Variants in GMPPA observed in about 807,000 individuals in gnomAD.
The protein encoded by GMPPA is mannose-1-phosphate guanylyltransferase regulatory subunit alpha.
Under a neutral mutation model 58.6 loss-of-function variants are expected in GMPPA, and 46 were observed. The observed-to-expected ratio is 0.78, with a 90% CI of 0.62 to 1.00. GMPPA has a LOEUF of 1.00. Among genes scored for constraint, GMPPA ranks in the 50% least tolerant of loss-of-function variants. The pLI is 0.00. For missense variants in GMPPA, 468 were observed against 556.4 expected (o/e 0.84, Z 1.60); for synonymous variants, 211 against 214.9 (o/e 0.98, Z 0.16).
rs193268245 is a variant in GMPPA, at chr2:219,506,105, C to G, written c.993+33C>G. 1.2e-4 allele frequency: 183 copies of G among 1,499,670 alleles called. 1 individual carries two copies. The East Asian group carries it at 4.2e-3, about 34-fold the overall frequency. The allele number at this position is 1,499,670 out of a possible 1,614,324, so 92.9% of individuals were successfully genotyped here. ...CCAGCATACACAGCAGCATGTGACA[C>G]CCCAAGAGGCTGCGGGGAGGGCCCA... is the stretch of plus-strand genomic sequence containing the variant. On this transcript the variant is annotated intron_variant, in intron 11 of 12. Transcript: ENST00000313597.
chr2:219,505,277 C>G lies in GMPPA; in HGVS notation c.670C>G (p.Gln224Glu), dbSNP rs781760772. 2.5e-6 allele frequency: 4 copies of G among 1,613,752 alleles called. No individual in the cohort carries two copies. The Admixed American group carries it at 6.7e-5, about 27-fold the overall frequency. ...WPGAGTIRLEQDVFSALAGQG... is the reference protein window; with the variant it reads ...WPGAGTIRLEEDVFSALAGQG... Reference sequence around the variant, plus strand: ...AGGGGCAGGTACCATCCGCCTAGAGCAGGATGTGTTTTCAGCCCTGGCAGG... The same window carrying G: ...AGGGGCAGGTACCATCCGCCTAGAGGAGGATGTGTTTTCAGCCCTGGCAGG... The change falls in exon 8 of 13, where the codon CAG (glutamine) becomes GAG (glutamate). Residue 224 changes from glutamine (Q) to glutamate (E), a missense_variant. Coordinates refer to ENST00000313597, the MANE Select transcript of GMPPA (RefSeq NM_013335.4).
At position 219,506,988 on chromosome 2, in the gene GMPPA, G is replaced by A. The variant is rs1575229144; in HGVS notation, c.*190G>A. The A allele has an allele frequency of 1.7e-6, 1 of 599,342 alleles. No homozygotes were observed. Among genetic ancestry groups the A allele is most frequent in the South Asian group, 2.0e-5 (1 of 50,776 alleles). 37.1% of individuals were successfully genotyped at this position (599,342 alleles called of 1,614,324 possible). A position where few individuals can be genotyped will look rare whatever the true frequency, so the allele number is the denominator to read the frequency against. On this transcript the variant is annotated 3_prime_UTR_variant, in exon 13 of 13. Transcript: ENST00000313597. ...TCCCTAATAAACCCCGTGAACCTTGGAGCCAGCACAGACTGTACTTATGTC... is the reference window on the plus strand; with the variant it reads ...TCCCTAATAAACCCCGTGAACCTTGAAGCCAGCACAGACTGTACTTATGTC...
chr2:219,499,480 A>G (rs1043372901), intron 1 of GMPPA, among the ~76,000 whole-genome samples: 6 of 152,170 alleles, frequency 3.9e-5, no homozygotes, highest in Admixed American at 6.5e-5. Context: ...TTGAGGCTTC[A>G]GTATTTTGAG....
chr2:219,504,890 T>G (rs1694521503), intron 7 of GMPPA: 1 of 1,137,972 alleles, frequency 8.8e-7, no homozygotes, highest in Non-Finnish European at 1.1e-6. Context: ...TGTGTTTCAT[T>G]CCATCCAATG....
In GMPPA at chr2:219,502,383, C is replaced by G. The variant is rs1263110738; in HGVS notation, c.431C>G (p.Ala144Gly). ...RHPFLLLGTT[A>G]NRTQSLNYGC... The stretch of plus-strand genomic sequence containing the variant: ...GTCTCGGGTGTGTCTGTCTTTCAGG[C>G]TAACAGGACGCAATCCCTCAACTAC... The change falls in exon 6 of 13, where the codon GCT (alanine) becomes GGT (glycine). Residue 144 changes from alanine (A) to glycine (G), a missense_variant and splice_region_variant. Coordinates refer to ENST00000313597, the MANE Select transcript of GMPPA (RefSeq NM_013335.4). This position sits in a 1 kb window ranked among gnomAD's most constrained non-coding sequence, Gnocchi z 4.0. 6.2e-7 allele frequency: 1 copy of G among 1,613,776 alleles called. No homozygotes were observed. The highest frequency in any genetic ancestry group is 8.5e-7 in the Non-Finnish European group (1 of 1,179,730).
At chr2:219,504,921 G>T (rs1166835274) in intron 7 of GMPPA, 2 of 1,104,544 alleles carry the variant, frequency 1.8e-6, no homozygotes, top group Admixed American at 3.9e-5. Flanking sequence ...TAACTTGGAG[G>T]GGGTAAAGGG....
At chr2:219,505,847 G>A (rs1029572750) in intron 10 of GMPPA, 86 bp downstream of exon 10, 3 of 1,212,052 alleles carry the variant, frequency 2.5e-6, no homozygotes, top group African/African-American at 1.5e-5. Flanking sequence ...CTGGGTGCCG[G>A]TTTCTTCACT....
At chr2:219,505,920 G>A in intron 10 of GMPPA, 60 bp from the exon 11 acceptor site, 1 of 1,256,632 alleles carries the variant, frequency 8.0e-7, no homozygotes, top group Non-Finnish European at 1.1e-6. Context: ...CTAGAAGGGA[G>A]TTGGGTTTGG....
chr2:219,499,686 G>GCACTATAGTC, intron 1 of GMPPA: 1 of 529,484 alleles, frequency 1.9e-6, no homozygotes, highest in South Asian at 2.2e-5. Context: ...TTCTGTCCAG[G>GCACTATAGTC]CAGGGACTAT....
In GMPPA at chr2:219,506,729, C is replaced by G. The variant is rs1467912640; in HGVS notation, c.1194C>G (p.Leu398=). Reference sequence around the variant, plus strand: ...GAGTCCGGATCCCTGCCGAGGTGCTCATCCTGAACTCGATTGTTCTGCCAC... The same window carrying G: ...GAGTCCGGATCCCTGCCGAGGTGCTGATCCTGAACTCGATTGTTCTGCCAC... The part of the protein sequence containing the change: ...GCRVRIPAEV[L]ILNSIVLPHK... The change falls in exon 13 of 13, where the codon CTC becomes CTG. Residue 398 remains leucine (L), a synonymous_variant. Transcript: ENST00000313597. 6.2e-7 allele frequency: 1 copy of G among 1,606,512 alleles called. No individual in the cohort carries two copies. Among genetic ancestry groups the G allele is most frequent in the Non-Finnish European group, 8.5e-7 (1 of 1,173,342 alleles).
intron 4 of GMPPA, 31 bp downstream of exon 4, chr2:219,501,610 G>A (rs753841441): frequency 3.7e-6 from 5 of 1,353,984 alleles, no homozygotes; most frequent in African/African-American, 2.9e-5. Context: ...ATATGGGGGG[G>A]TGGGGATGCC....
rs1161154184 is a variant in GMPPA at position 219,506,927 on chromosome 2, A to G, written c.*129A>G. The G allele has an allele frequency of 3.1e-6, 2 of 645,846 alleles. No individual in the cohort carries two copies. Among genetic ancestry groups the G allele is most frequent in the East Asian group, 2.7e-5 (1 of 36,762 alleles). The allele number at this position is 645,846 out of a possible 1,614,324, so 40.0% of individuals were successfully genotyped here. ...CGTCACATGCCGGGGAGCAATGTGG[A>G]TGGCCTGGGGACTCCTGGGTTTTCT... is the stretch of plus-strand genomic sequence containing the variant. On this transcript the variant is annotated 3_prime_UTR_variant, in exon 13 of 13. Coordinates refer to ENST00000313597, the MANE Select transcript of GMPPA (RefSeq NM_013335.4).
At chr2:219,499,471 T>C (rs1369684671) in intron 1 of GMPPA, among the ~76,000 whole-genome samples, 2 of 152,188 alleles carry the variant, frequency 1.3e-5, no homozygotes, top group Non-Finnish European at 2.9e-5. Context: ...TTTGGGAATT[T>C]GAGGCTTCAG....
intron 1 of GMPPA, 73 bp from the exon 2 acceptor site, chr2:219,499,883 G>A: frequency 9.1e-7 from 1 of 1,096,458 alleles, no homozygotes; most frequent in Non-Finnish European, 1.4e-6. Context: ...AGAGGGCTAA[G>A]TGTTGCTATT....
chr2:219,501,971 C>T lies in GMPPA; in HGVS notation c.363C>T (p.Phe121=), dbSNP rs529574707. The change falls in exon 5 of 13, where the codon TTC becomes TTT. Residue 121 remains phenylalanine (F), a synonymous_variant. Coordinates refer to ENST00000313597, the MANE Select transcript of GMPPA (RefSeq NM_013335.4). Reference sequence around the variant, plus strand: ...TCAATGCTGATGTCTGCTCCGACTTCCCCTTGAGTGCTATGTTGGAAGCCC... The same window carrying T: ...TCAATGCTGATGTCTGCTCCGACTTTCCCTTGAGTGCTATGTTGGAAGCCC... ...FVLNADVCSD[F]PLSAMLEAHR... The T allele has an allele frequency of 1.2e-6, 2 of 1,614,224 alleles. No homozygotes were observed. Among genetic ancestry groups the T allele is most frequent in the Non-Finnish European group, 1.7e-6 (2 of 1,180,036 alleles).
intron 7 of GMPPA, 111 bp from the exon 8 acceptor site, chr2:219,505,117 G>T: frequency 1.6e-6 from 2 of 1,236,230 alleles, no homozygotes; most frequent in Admixed American, 4.0e-5. Flanking sequence ...TGGAGAGAGG[G>T]GCTTAGAGAG....
intron 7 of GMPPA, chr2:219,504,736 C>T (rs1575225655): frequency 5.3e-6 from 2 of 379,914 alleles, no homozygotes; most frequent in South Asian, 1.6e-4. Flanking sequence ...CTCACTCCCA[C>T]CCGTGTCTCT....
intron 12 of GMPPA, 63 bp from the exon 13 acceptor site, chr2:219,506,635 C>CTG: frequency 9.4e-7 from 1 of 1,067,560 alleles, no homozygotes; most frequent in Non-Finnish European, 1.4e-6. Context: ...GGCAGTGGCC[C>CTG]CCAGCTCCCT....
chr2:219,504,921 G>A (rs1166835274), intron 7 of GMPPA: 1 of 1,104,664 alleles, frequency 9.1e-7, no homozygotes, highest in Non-Finnish European at 1.1e-6. Context: ...TAACTTGGAG[G>A]GGGTAAAGGG....
Sources: gnomAD v4.1 joint callset for allele counts (sites outside exome capture counted in the v4.1 genomes callset) on GRCh38, gnomAD v4.1.1 for gene constraint, Gnocchi (gnomAD v3.1) non-coding constraint, MANE v1.5 for transcripts, NCBI Gene and HGNC (gene_info 2026-07-23, HGNC 2026-07-21) for gene names.